The following BICD1 variants were observed in gnomAD, a reference collection of about 807,000 sequenced individuals.
The protein encoded by BICD1 is protein bicaudal D homolog 1.
BICD1 carries 35 observed loss-of-function variants against 92.5 expected under a neutral mutation model. The observed-to-expected ratio is 0.38, with a 90% CI of 0.29 to 0.50. BICD1 has a LOEUF of 0.50. Ranked by LOEUF, BICD1 falls within the 20% of genes least tolerant of loss-of-function variation. The probability of loss-of-function intolerance (pLI) is 0.93; values close to 1 mark genes in which losing one functional copy is unlikely to be tolerated. For missense variants in BICD1, 950 were observed against 1,189.8 expected (o/e 0.80, Z 2.97); for synonymous variants, 429 against 465.1 (o/e 0.92, Z 1.00).
At chr12:32,279,586 T>C (rs1008469740) in intron 2 of BICD1, among the ~76,000 whole-genome samples, 1 of 152,244 alleles carries the variant, frequency 6.6e-6, no homozygotes, top group African/African-American at 2.4e-5. Flanking sequence ...TTTTGCACCA[T>C]TTATTTCAAC....
intron 9 of BICD1, among the ~76,000 whole-genome samples, chr12:32,376,428 T>C (rs1939966792): frequency 6.6e-6 from 1 of 152,118 alleles, no homozygotes; most frequent in South Asian, 2.1e-4. Flanking sequence ...ATGTGTTTTG[T>C]CATTTTACCC....
At position 32,294,065 on chromosome 12, in the gene BICD1, A is replaced by G. The variant is rs1386548867; in HGVS notation, c.498A>G (p.Ala166=). Residue 166 remains alanine (A), a synonymous_variant, in exon 3 of 10, where the codon GCA becomes GCG. Transcript: ENST00000652176. ...TCCGAGAATATAAGTTCCGGGAGGC[A>G]CGGCTCCTTCAGGACTATACTGAAT... ...DEIREYKFRE[A]RLLQDYTELE... is the part of the protein sequence containing the mutation. The G allele has an allele frequency of 2.5e-6, 4 of 1,613,062 alleles. No individual in the cohort carries two copies. The Admixed American group carries it at 6.7e-5, about 27-fold the overall frequency.
intron 1 of BICD1, among the ~76,000 whole-genome samples, chr12:32,162,981 G>A (rs1230502748): frequency 6.6e-6 from 1 of 151,842 alleles, no homozygotes; most frequent in Non-Finnish European, 1.5e-5. Context: ...GTGAGACTCT[G>A]TCTTAAAAAA....
chr12:32,161,892 C>T (rs7980739), intron 1 of BICD1, among the ~76,000 whole-genome samples: 1,932 of 152,216 alleles, frequency 0.013, 41 homozygotes, highest in African/African-American at 0.044. Flanking sequence ...TCAATTTTCT[C>T]ATATTGGGAA....
At chr12:32,138,403 G>T (rs1044972092) in intron 1 of BICD1, among the ~76,000 whole-genome samples, 2 of 152,142 alleles carry the variant, frequency 1.3e-5, no homozygotes, top group African/African-American at 4.8e-5. Flanking sequence ...TTAGTTTATA[G>T]AGTTGATATC....
intron 5 of BICD1, among the ~76,000 whole-genome samples, chr12:32,330,180 C>A (rs1478108647): frequency 2.0e-5 from 3 of 152,114 alleles, no homozygotes; most frequent in African/African-American, 7.2e-5. Flanking sequence ...ACATCTATAC[C>A]ATAAGCCATA....
Position 32,305,932 on chromosome 12 carries a change from T to A in BICD1, c.815T>A (p.Phe272Tyr), listed in dbSNP as rs763327723. 1.9e-6 allele frequency: 3 copies of A among 1,614,196 alleles called. No individual in the cohort carries two copies. In the Admixed American group the frequency reaches 5.0e-5, roughly 27 times the overall value. Residue 272 changes from phenylalanine (F) to tyrosine (Y), a missense_variant, in exon 4 of 10, where the codon TTT (phenylalanine) becomes TAT (tyrosine). Transcript: ENST00000652176. ...AGCATCTCAGTAGATGGACTCAAAT[T>A]TGCCGAGGATGGGAGTGAACCAAAC... ...HISISVDGLKFAEDGSEPNND... is the reference protein window; with the variant it reads ...HISISVDGLKYAEDGSEPNND...
chr12:32,376,884 G>A (rs1355456148), intron 9 of BICD1, among the ~76,000 whole-genome samples: 1 of 143,218 alleles, frequency 7.0e-6, no homozygotes. Context: ...AAAGGGGGGG[G>A]GGGGTGAAAT....
At chr12:32,375,063 C>A (rs1229217998) in intron 9 of BICD1, among the ~76,000 whole-genome samples, 1 of 150,772 alleles carries the variant, frequency 6.6e-6, no homozygotes, top group East Asian at 2.0e-4. Flanking sequence ...GGACTACAGG[C>A]GCCCGCCACC....
At chr12:32,300,578 A>G (rs1370075193) in intron 3 of BICD1, among the ~76,000 whole-genome samples, 4 of 147,470 alleles carry the variant, frequency 2.7e-5, no homozygotes, top group Non-Finnish European at 6.0e-5. Flanking sequence ...GAGGTGTCCT[A>G]TGTTGTCCAG....
Position 32,246,461 on chromosome 12 carries a change from G to T in BICD1, c.426+30002G>T, listed in dbSNP as rs117066131. On this transcript the variant is annotated intron_variant, in intron 2 of 9. Transcript: ENST00000652176. The stretch of plus-strand genomic sequence containing the variant: ...AAGACCAGCCTGGACAACATAGTAG[G>T]ACTCCATCTCTATAAAAATTTTAAA... Among the ~76,000 whole-genome samples, 95 of 151,898 alleles carry T rather than the reference G, an allele frequency of 6.3e-4. No individual in the cohort carries two copies. In the East Asian group the frequency reaches 0.016, roughly 26 times the overall value.
In BICD1 at chr12:32,375,095, T is replaced by A. The variant is rs569654994; in HGVS notation, c.2841-2445T>A. On this transcript the variant is annotated intron_variant, in intron 9 of 9. Transcript: ENST00000652176. ...CACCACGCCCAGCTAATTTTTTTTT[T>A]TAATTATTTTTAGTAGAGACGGGGT... is the stretch of plus-strand genomic sequence containing the variant. 1.3e-3 allele frequency among the ~76,000 whole-genome samples: 193 copies of A among 151,120 alleles called. 3 individuals carry two copies. Among genetic ancestry groups the A allele is most frequent in the African/African-American group, 4.0e-3 (166 of 41,250 alleles).
rs1045177154 is a variant in BICD1 at position 32,295,685 on chromosome 12, G to A, written c.579+1539G>A. On this transcript the variant is annotated intron_variant, in intron 3 of 9. Coordinates refer to ENST00000652176, the MANE Select transcript of BICD1 (RefSeq NM_001714.4). ...TTTTTTTTTTTTGCGACAGAGTCTT[G>A]CTGTGTTGCCCAGGCTGGAGTGCAG... 2.8e-5 allele frequency among the ~76,000 whole-genome samples: 4 copies of A among 142,102 alleles called. No homozygotes were observed. In the Admixed American group the frequency reaches 2.9e-4, roughly 10 times the overall value. 93.2% of individuals were successfully genotyped at this position (142,102 alleles called of 152,430 possible).
chr12:32,320,590 A>G (rs1216352883), intron 4 of BICD1, among the ~76,000 whole-genome samples: 1 of 152,162 alleles, frequency 6.6e-6, no homozygotes, highest in Non-Finnish European at 1.5e-5. Context: ...GCAGTGATCC[A>G]AGATCACGCC....
intron 8 of BICD1, chr12:32,339,231 A>G: frequency 1.7e-6 from 2 of 1,203,002 alleles, no homozygotes; most frequent in South Asian, 5.8e-5. Context: ...GGATAGGTAA[A>G]GGGAAATTAG....
chr12:32,207,529 CAT>C (rs1945095371), intron 1 of BICD1, among the ~76,000 whole-genome samples: 1 of 151,972 alleles, frequency 6.6e-6, no homozygotes, highest in South Asian at 2.1e-4. Context: ...TTTAAAAAAA[CAT>C]CTCATTTAAA....
At chr12:32,296,970 A>G (rs1001902170) in intron 3 of BICD1, among the ~76,000 whole-genome samples, 2 of 152,170 alleles carry the variant, frequency 1.3e-5, no homozygotes, top group Non-Finnish European at 2.9e-5. Flanking sequence ...GGACTTACAC[A>G]TTTTTTATTT....
rs1399263148 is a variant in BICD1 at position 32,383,049 on chromosome 12, C to T, written c.*5422C>T. 6.6e-6 allele frequency: 1 copy of T among 151,978 alleles called. No homozygotes were observed. The highest frequency in any genetic ancestry group is 2.4e-5 in the African/African-American group (1 of 41,414). 9.4% of individuals were successfully genotyped at this position (151,978 alleles called of 1,614,324 possible). A position where few individuals can be genotyped will look rare whatever the true frequency, so the allele number is the denominator to read the frequency against. ...TTATAATCTACTCTGTTTTTATTTG[C>T]ATGATTATGCTTATGTGATGAACCA... On this transcript the variant is annotated 3_prime_UTR_variant, in exon 10 of 10. Coordinates refer to ENST00000652176, the MANE Select transcript of BICD1 (RefSeq NM_001714.4).
rs1208760567 is a variant in BICD1, at chr12:32,313,540, ACACT to A, written c.1005+7422_1005+7425del. ...CAAGTGAAATATTATCTCTGCTTAA[ACACT>A]CACAGAATATTTATAGGATGACATT... is the stretch of plus-strand genomic sequence containing the variant. On this transcript the variant is annotated intron_variant, in intron 4 of 9. Coordinates refer to ENST00000652176, the MANE Select transcript of BICD1 (RefSeq NM_001714.4). This position sits in a 1 kb window ranked among gnomAD's most constrained non-coding sequence, Gnocchi z 4.2. Among the ~76,000 whole-genome samples, 1 of 152,220 alleles carries A rather than the reference ACACT, an allele frequency of 6.6e-6. No individual in the cohort carries two copies. The highest frequency in any genetic ancestry group is 6.5e-5 in the Admixed American group (1 of 15,274).
Sources: allele counts gnomAD v4.1 joint callset (sites outside exome capture counted in the v4.1 genomes callset), GRCh38; gene constraint gnomAD v4.1.1; non-coding constraint Gnocchi (gnomAD v3.1); transcripts MANE v1.5; gene names NCBI Gene and HGNC (gene_info 2026-07-23, HGNC 2026-07-21).